EPHA6: variants seen among roughly 807,000 people sequenced by gnomAD.
EPHA6 encodes the protein ephrin type-A receptor 6.
Under a neutral mutation model 112.0 loss-of-function variants are expected in EPHA6, and 50 were observed. The observed-to-expected ratio is 0.45, with a 90% CI of 0.36 to 0.56. The LOEUF (loss-of-function observed/expected upper bound fraction) is 0.56, where lower values mean the gene tolerates loss of function less well. EPHA6 is among the 20% of genes least tolerant of loss of function. The pLI, the probability that EPHA6 is intolerant of heterozygous loss-of-function variation, is 0.00. For missense variants in EPHA6, 1,280 were observed against 1,417.4 expected, an observed-to-expected ratio of 0.90 and a Z score of 1.56; for synonymous variants, 529 against 490.7, an observed-to-expected ratio of 1.08 and a Z score of -1.03.
In EPHA6 at chr3:97,087,906, G is replaced by A. The variant is rs140478961; in HGVS notation, c.1114+99913G>A. ...TTTCCCATTAAAATTTTTTTCGGCC[G>A]GGCACAGTGGCTCACGCCTGTAATC... On this transcript the variant is annotated intron_variant, in intron 3 of 17. Transcript: ENST00000389672. Among the ~76,000 whole-genome samples the A allele has an allele frequency of 2.9e-3, 448 of 152,064 alleles. 3 individuals are homozygous for A. Among genetic ancestry groups the A allele is most frequent in the African/African-American group, 9.8e-3 (405 of 41,484 alleles).
chr3:97,571,049 G>A (rs2093327977), intron 11 of EPHA6, among the ~76,000 whole-genome samples: 1 of 152,128 alleles, frequency 6.6e-6, no homozygotes, highest in Non-Finnish European at 1.5e-5. Flanking sequence ...AAAAAGAGGA[G>A]TCTGAAACTG....
intron 2 of EPHA6, among the ~76,000 whole-genome samples, chr3:96,881,664 A>T (rs1287097463): frequency 6.6e-6 from 1 of 152,210 alleles, no homozygotes; most frequent in Non-Finnish European, 1.5e-5. Flanking sequence ...AGTCTTCCAG[A>T]GTCTTAACTC....
At chr3:97,721,531 G>A (rs1320416315) in intron 15 of EPHA6, among the ~76,000 whole-genome samples, 5 of 152,148 alleles carry the variant, frequency 3.3e-5, no homozygotes, top group Admixed American at 1.3e-4. Context: ...AGAAGTTAAC[G>A]TAGCAGCAGG....
chr3:97,271,180 G>A (rs1345879345), intron 5 of EPHA6, among the ~76,000 whole-genome samples: 1 of 152,218 alleles, frequency 6.6e-6, no homozygotes, highest in Non-Finnish European at 1.5e-5. Flanking sequence ...AACCTGGATT[G>A]TCCTATGCAA....
chr3:96,969,130 A>G lies in EPHA6; in HGVS notation c.451-18200A>G, dbSNP rs559315641. Among the ~76,000 whole-genome samples the G allele has an allele frequency of 2.6e-5, 4 of 152,062 alleles. No homozygotes were observed. In the South Asian group the frequency reaches 8.3e-4, roughly 31 times the overall value. On this transcript the variant is annotated intron_variant, in intron 2 of 17. Coordinates refer to ENST00000389672, the MANE Select transcript of EPHA6 (RefSeq NM_001080448.3). ...ATTTGATATACTAAGATAATTTTTAACAATTGGAAATCAGCACCATGGAAT... is the reference window on the plus strand; with the variant it reads ...ATTTGATATACTAAGATAATTTTTAGCAATTGGAAATCAGCACCATGGAAT...
At position 97,547,772 on chromosome 3, in the gene EPHA6, G is replaced by A. The variant is rs191399706; in HGVS notation, c.2386+15229G>A. Among the ~76,000 whole-genome samples the A allele has an allele frequency of 3.5e-4, 54 of 152,280 alleles. 1 individual carries two copies. The highest frequency in any genetic ancestry group is 2.6e-3 in the Admixed American group (39 of 15,290). ...AAACAACTAACTCAGCAATGGTGGCGCCCCTCCCCCAGCCTCACTGCCGCC... is the reference window on the plus strand; with the variant it reads ...AAACAACTAACTCAGCAATGGTGGCACCCCTCCCCCAGCCTCACTGCCGCC... On this transcript the variant is annotated intron_variant, in intron 11 of 17. Transcript: ENST00000389672.
At chr3:97,214,635 A>G (rs2077982502) in intron 3 of EPHA6, among the ~76,000 whole-genome samples, 1 of 152,210 alleles carries the variant, frequency 6.6e-6, no homozygotes, top group African/African-American at 2.4e-5. Flanking sequence ...AATCACATAA[A>G]GTTTCTCAAA....
chr3:97,395,556 C>T (rs886729666), intron 5 of EPHA6, among the ~76,000 whole-genome samples: 1 of 151,532 alleles, frequency 6.6e-6, no homozygotes. Flanking sequence ...CAATTATACC[C>T]GTTAGTTCAT....
chr3:97,033,208 T>A (rs956911263), intron 3 of EPHA6, among the ~76,000 whole-genome samples: 5 of 152,018 alleles, frequency 3.3e-5, no homozygotes, highest in African/African-American at 1.2e-4. Context: ...ATTTAAGCTT[T>A]ACTATGTGTA....
At chr3:97,120,129 T>C (rs2048000819) in intron 3 of EPHA6, among the ~76,000 whole-genome samples, 1 of 152,002 alleles carries the variant, frequency 6.6e-6, no homozygotes, top group South Asian at 2.1e-4. Context: ...TCTAGGTCAA[T>C]GTATCTCTTT....
intron 3 of EPHA6, among the ~76,000 whole-genome samples, chr3:97,071,870 G>A (rs907548770): frequency 2.0e-5 from 3 of 151,740 alleles, no homozygotes; most frequent in East Asian, 1.9e-4. Flanking sequence ...TTCCTCACCC[G>A]TCCCGCATTT....
intron 14 of EPHA6, among the ~76,000 whole-genome samples, chr3:97,710,411 G>C (rs974945190): frequency 5.3e-5 from 8 of 152,170 alleles, no homozygotes; most frequent in African/African-American, 1.9e-4. Context: ...AAGAAGACCT[G>C]CTGCTCAGAT....
chr3:97,446,115 C>T (rs778766275), intron 6 of EPHA6, among the ~76,000 whole-genome samples: 21 of 152,146 alleles, frequency 1.4e-4, no homozygotes, highest in Non-Finnish European at 2.5e-4. Flanking sequence ...AGTGTCCTAC[C>T]TATGCATATC....
At position 97,124,154 on chromosome 3, in the gene EPHA6, C is replaced by T. The variant is rs188385944; in HGVS notation, c.1115-102110C>T. ...TGGTAACTTATATTCATGTGAAATG[C>T]CTTATATGTATATGCTGAAGTCTGT... On this transcript the variant is annotated intron_variant, in intron 3 of 17. Transcript: ENST00000389672. Among the ~76,000 whole-genome samples the T allele has an allele frequency of 9.7e-4, 148 of 151,834 alleles. 1 individual carries two copies. The highest frequency in any genetic ancestry group is 1.9e-4 in the Non-Finnish European group (13 of 67,904).
Position 97,712,298 on chromosome 3 carries a change from G to C in EPHA6, c.2785-7963G>C, listed in dbSNP as rs377299432. ...TGTACAGCTGGGTTTAAAAAAGTGA[G>C]AGAGAGAATACCTCAAGAGAGATGT... is the stretch of plus-strand genomic sequence containing the variant. On this transcript the variant is annotated intron_variant, in intron 14 of 17. Transcript: ENST00000389672. Among the ~76,000 whole-genome samples the C allele has an allele frequency of 9.2e-5, 14 of 152,280 alleles. No individual in the cohort carries two copies. In the South Asian group the frequency reaches 2.7e-3, roughly 29 times the overall value.
intron 13 of EPHA6, among the ~76,000 whole-genome samples, chr3:97,625,549 A>G (rs1317415961): frequency 1.3e-5 from 2 of 151,414 alleles, no homozygotes. Flanking sequence ...TAGTTGGTTT[A>G]TTGTGTCATT....
At position 97,522,072 on chromosome 3, in the gene EPHA6, A is replaced by G. The variant is rs961827639; in HGVS notation, c.2201-10286A>G. 5.3e-5 allele frequency among the ~76,000 whole-genome samples: 8 copies of G among 151,816 alleles called. No homozygotes were observed. The East Asian group carries it at 1.5e-3, about 29-fold the overall frequency. ...CTGAGTAGCTGGGACTACCTTTGCC[A>G]CTACACCCAGTTATTTTTTGTTTTT... On this transcript the variant is annotated intron_variant, in intron 10 of 17. Transcript: ENST00000389672.
At chr3:96,822,160 A>G (rs536148875) in intron 1 of EPHA6, among the ~76,000 whole-genome samples, 3 of 152,084 alleles carry the variant, frequency 2.0e-5, no homozygotes, top group South Asian at 2.1e-4. Context: ...AAACATGTTC[A>G]TATGTACAAA....
At chr3:96,951,614 T>C (rs974854474) in intron 2 of EPHA6, among the ~76,000 whole-genome samples, 1 of 152,146 alleles carries the variant, frequency 6.6e-6, no homozygotes, top group Non-Finnish European at 1.5e-5. Context: ...ATCTTCATAA[T>C]AACTCGAGGG....
Sources: gnomAD v4.1 joint callset for allele counts (sites outside exome capture counted in the v4.1 genomes callset) on GRCh38, gnomAD v4.1.1 for gene constraint, MANE v1.5 for transcripts, NCBI Gene and HGNC (gene_info 2026-07-23, HGNC 2026-07-21) for gene names.